CRPPA: variants seen among roughly 807,000 people sequenced by gnomAD.
CRPPA encodes the protein D-ribitol-5-phosphate cytidylyltransferase.
In CRPPA, 43 loss-of-function variants were observed where a neutral mutation model predicts 52.0. That is an observed-to-expected ratio of 0.83 (90% confidence interval 0.65 to 1.07). CRPPA has a LOEUF of 1.07. Ranked by LOEUF, CRPPA falls within the 50% of genes least tolerant of loss-of-function variation. CRPPA has a pLI of 0.00. For synonymous variants in CRPPA, 250 were observed against 203.5 expected (o/e 1.23, Z -1.94); for missense variants, 629 against 551.7 (o/e 1.14, Z -1.40).
chr7:16,140,828 T>A (rs936615183), intron 9 of CRPPA, among the ~76,000 whole-genome samples: 1 of 152,222 alleles, frequency 6.6e-6, no homozygotes, highest in African/African-American at 2.4e-5. Context: ...TAACGGGTCA[T>A]GAAATACTAA....
At chr7:16,418,665 C>T (rs533945189) in intron 1 of CRPPA, among the ~76,000 whole-genome samples, 5 of 152,122 alleles carry the variant, frequency 3.3e-5, no homozygotes, top group South Asian at 2.1e-4. Context: ...AACTCACTAT[C>T]AAGAGACCAG....
At chr7:16,097,118 A>G (rs1313712408) in intron 9 of CRPPA, among the ~76,000 whole-genome samples, 2 of 152,168 alleles carry the variant, frequency 1.3e-5, no homozygotes, top group East Asian at 3.9e-4. Flanking sequence ...TTCAAAATCT[A>G]TACAAAGAAA....
rs1312371680 is a variant in CRPPA, at chr7:16,091,611, C to G, written c.*84G>C. 1 of 705,556 alleles carries G rather than the reference C, an allele frequency of 1.4e-6. No homozygotes were observed. The highest frequency in any genetic ancestry group is 1.9e-5 in the African/African-American group (1 of 52,196). The allele number at this position is 705,556 out of a possible 1,614,324, so 43.7% of individuals were successfully genotyped here. On this transcript the variant is annotated 3_prime_UTR_variant, in exon 10 of 10. Transcript: ENST00000407010. ...AGATATAAAAGACAACTGAAACATT[C>G]TACCACACACAGCAGCGGGGGCACA... is the stretch of plus-strand genomic sequence containing the variant.
chr7:16,372,505 T>C (rs546037942), intron 3 of CRPPA, among the ~76,000 whole-genome samples: 1 of 152,102 alleles, frequency 6.6e-6, no homozygotes, highest in South Asian at 2.1e-4. Flanking sequence ...GCTGAGAAAA[T>C]TTGCCACTAC....
intron 3 of CRPPA, among the ~76,000 whole-genome samples, chr7:16,364,062 A>G (rs1786525110): frequency 6.6e-6 from 1 of 152,186 alleles, no homozygotes; most frequent in Non-Finnish European, 1.5e-5. Context: ...AAATTTAAAG[A>G]CATCAACTTA....
intron 8 of CRPPA, among the ~76,000 whole-genome samples, chr7:16,229,354 C>A (rs1782732363): frequency 6.6e-6 from 1 of 151,864 alleles, no homozygotes; most frequent in Admixed American, 6.6e-5. Flanking sequence ...ATTTTTGTTC[C>A]TTTCTTCCTC....
rs145791996 is a variant in CRPPA, at chr7:16,223,142, G to A, written c.1120-6945C>T. Among the ~76,000 whole-genome samples the A allele has an allele frequency of 2.0e-3, 302 of 151,900 alleles. 3 individuals are homozygous for A. The East Asian group carries it at 0.024, about 12-fold the overall frequency. On this transcript the variant is annotated intron_variant, in intron 8 of 9. Coordinates refer to ENST00000407010, the MANE Select transcript of CRPPA (RefSeq NM_001101426.4). ...TGCTGTCTCTACAAAAAATAGAAAAGTTAGCCAGGCATGGTGGCATGCGCC... is the reference window on the plus strand; with the variant it reads ...TGCTGTCTCTACAAAAAATAGAAAAATTAGCCAGGCATGGTGGCATGCGCC...
chr7:16,376,050 C>G, intron 3 of CRPPA, 42 bp downstream of exon 3: 2 of 1,535,878 alleles, frequency 1.3e-6, no homozygotes, highest in Non-Finnish European at 1.8e-6. Context: ...GTTTGGGGAA[C>G]CTGACATAAC....
chr7:16,182,975 A>G (rs1171217926), intron 9 of CRPPA, among the ~76,000 whole-genome samples: 1 of 152,180 alleles, frequency 6.6e-6, no homozygotes, highest in African/African-American at 2.4e-5. Context: ...GAAAATACTA[A>G]ATCACAAGGG....
At chr7:16,225,644 C>T (rs761529638) in intron 8 of CRPPA, among the ~76,000 whole-genome samples, 12 of 151,844 alleles carry the variant, frequency 7.9e-5, no homozygotes, top group Non-Finnish European at 5.9e-5. Flanking sequence ...TTTCATTTTA[C>T]ATTATAAAAA....
chr7:16,130,916 G>C (rs1009903721), intron 9 of CRPPA, among the ~76,000 whole-genome samples: 4 of 152,156 alleles, frequency 2.6e-5, no homozygotes, highest in African/African-American at 9.7e-5. Flanking sequence ...CCTTATACAA[G>C]TGACCCCAGC....
intron 9 of CRPPA, among the ~76,000 whole-genome samples, chr7:16,128,025 T>C (rs1229947126): frequency 6.6e-6 from 1 of 152,176 alleles, no homozygotes; most frequent in East Asian, 1.9e-4. Context: ...TCAAGTATTA[T>C]GTGGGTCTTT....
At chr7:16,246,989 C>A (rs769790404) in intron 8 of CRPPA, among the ~76,000 whole-genome samples, 4 of 152,204 alleles carry the variant, frequency 2.6e-5, no homozygotes, top group African/African-American at 4.8e-5. Flanking sequence ...CCATAAAAGC[C>A]CTACCTGGCA....
chr7:16,170,811 C>G (rs1430156644), intron 9 of CRPPA, among the ~76,000 whole-genome samples: 1 of 152,222 alleles, frequency 6.6e-6, no homozygotes, highest in African/African-American at 2.4e-5. Context: ...CCCTATGCAG[C>G]TACTGGCCCA....
At chr7:16,335,154 C>CAAAAAAAAAAAAAAAAAAAAAA (rs60632334) in intron 3 of CRPPA, among the ~76,000 whole-genome samples, 1 of 93,802 alleles carries the variant, frequency 1.1e-5, no homozygotes, top group African/African-American at 4.3e-5. Flanking sequence ...CCCATCTCTA[C>CAAAAAAAAAAAAAAAAAAAAAA]AAAAAAAAAA....
chr7:16,291,460 A>G lies in CRPPA; in HGVS notation c.835+9961T>C, dbSNP rs574468087. 2.1e-3 allele frequency among the ~76,000 whole-genome samples: 318 copies of G among 152,104 alleles called. 2 individuals carry two copies. Among genetic ancestry groups the G allele is most frequent in the African/African-American group, 7.5e-3 (313 of 41,564 alleles). The stretch of plus-strand genomic sequence containing the variant: ...AACATGGATAGAACTGGAAGTCATT[A>G]TTTTAAGTTATATAGGCCAGGAAGA... On this transcript the variant is annotated intron_variant, in intron 5 of 9. Transcript: ENST00000407010.
At chr7:16,372,476 C>A (rs1225264409) in intron 3 of CRPPA, among the ~76,000 whole-genome samples, 1 of 152,162 alleles carries the variant, frequency 6.6e-6, no homozygotes, top group African/African-American at 2.4e-5. Context: ...GAGATAAAAT[C>A]TTTTTCACAC....
chr7:16,339,340 T>C (rs1785764972), intron 3 of CRPPA, among the ~76,000 whole-genome samples: 2 of 152,192 alleles, frequency 1.3e-5, no homozygotes, highest in Non-Finnish European at 2.9e-5. Context: ...AGAAGTACTA[T>C]ACACCATGAC....
intron 8 of CRPPA, among the ~76,000 whole-genome samples, chr7:16,239,559 C>CT (rs1783048399): frequency 2.1e-5 from 1 of 47,632 alleles, no homozygotes; most frequent in Admixed American, 2.7e-4. Context: ...AAGTCAATAG[C>CT]AAAAAAAAAA....
Sources: allele counts gnomAD v4.1 joint callset (sites outside exome capture counted in the v4.1 genomes callset), GRCh38; gene constraint gnomAD v4.1.1; transcripts MANE v1.5; gene names NCBI Gene and HGNC (gene_info 2026-07-23, HGNC 2026-07-21).